Variants in PCDHA1 observed in about 807,000 individuals in gnomAD.
PCDHA1 encodes the protein protocadherin alpha 1.
PCDHA1 carries 42 observed loss-of-function variants against 61.3 expected under a neutral mutation model. The observed-to-expected ratio is 0.69, with a 90% CI of 0.54 to 0.89. PCDHA1 has a LOEUF of 0.89. PCDHA1 is among the 40% of genes least tolerant of loss of function. The pLI, the probability that PCDHA1 is intolerant of heterozygous loss-of-function variation, is 0.00. For synonymous variants in PCDHA1, 610 were observed against 553.8 expected (o/e 1.10, Z -1.43); for missense variants, 1,256 against 1,235.3 (o/e 1.02, Z -0.25).
rs182070121 is a variant in PCDHA1, at chr5:140,953,927, G to A, written c.2395-25022G>A. On this transcript the variant is annotated intron_variant, in intron 1 of 3. Coordinates refer to ENST00000504120, the MANE Select transcript of PCDHA1 (RefSeq NM_018900.4). ...GCATCCATTAGGTATTCTTCCTGAT[G>A]CTCTCCCTCCCATTGCTCCCCCAAC... Among the ~76,000 whole-genome samples the A allele has an allele frequency of 2.1e-3, 313 of 152,142 alleles. 1 individual carries two copies. The highest frequency in any genetic ancestry group is 7.1e-3 in the African/African-American group (295 of 41,500).
intron 1 of PCDHA1, chr5:140,827,909 A>T: frequency 1.2e-6 from 1 of 822,554 alleles, no homozygotes; most frequent in Non-Finnish European, 1.9e-6. Context: ...GAGCCGCATG[A>T]TGTCGCTGTC....
chr5:140,825,805 C>T (rs2150141367), intron 1 of PCDHA1: 2 of 152,324 alleles, frequency 1.3e-5, no homozygotes, highest in East Asian at 3.9e-4. Flanking sequence ...AATTTTACTG[C>T]TTGTTGTTAC....
intron 1 of PCDHA1, chr5:140,863,615 T>C (rs1290782399): frequency 1.2e-5 from 4 of 339,092 alleles, no homozygotes; most frequent in South Asian, 4.8e-5. Context: ...ATGTCCCTCA[T>C]AGTGACATTG....
At position 140,828,141 on chromosome 5, in the gene PCDHA1, C is replaced by T. The variant is rs2150151318; in HGVS notation, c.2394+39457C>T. 8.7e-6 allele frequency: 14 copies of T among 1,613,956 alleles called. No individual in the cohort carries two copies. In the South Asian group the frequency reaches 1.4e-4, roughly 16 times the overall value. On this transcript the variant is annotated intron_variant, in intron 1 of 3. Coordinates refer to ENST00000504120, the MANE Select transcript of PCDHA1 (RefSeq NM_018900.4). ...TTGGGAAAGCAATGTCTGCTCCTCC[C>T]GCTTCTGCTCCTCGCAGCCTGGAAG...
intron 1 of PCDHA1, chr5:140,857,571 C>A (rs782707848): frequency 7.5e-6 from 12 of 1,596,630 alleles, no homozygotes; most frequent in Non-Finnish European, 9.4e-6. Flanking sequence ...AGCTACGTGT[C>A]GGTGCACGCG....
At chr5:140,938,278 G>A (rs1394435028) in intron 1 of PCDHA1, among the ~76,000 whole-genome samples, 1 of 152,090 alleles carries the variant, frequency 6.6e-6, no homozygotes, top group African/African-American at 2.4e-5. Context: ...TAGTTTTCTT[G>A]CTTTCTGTCA....
chr5:140,862,656 C>T, intron 1 of PCDHA1: 1 of 545,296 alleles, frequency 1.8e-6, no homozygotes, highest in Admixed American at 1.9e-5. Flanking sequence ...CCGCGCGGGA[C>T]CGGGACGCGC....
rs1446194845 is a variant in PCDHA1 at position 140,858,041 on chromosome 5, C to T, written c.2394+69357C>T. 8 of 1,596,732 alleles carry T rather than the reference C, an allele frequency of 5.0e-6. No homozygotes were observed. The African/African-American group carries it at 6.8e-5, about 14-fold the overall frequency. On this transcript the variant is annotated intron_variant, in intron 1 of 3. Transcript: ENST00000504120. ...GTCGCTGACGGCCACGGCCACTGTG[C>T]TTGTGTCGCTTGTGGAGGGCAGCCA...
At chr5:140,837,761 G>A (rs1274767174) in intron 1 of PCDHA1, among the ~76,000 whole-genome samples, 1 of 151,628 alleles carries the variant, frequency 6.6e-6, no homozygotes, top group Non-Finnish European at 1.5e-5. Context: ...ACTGCAACCT[G>A]AAAGTCCTGG....
At chr5:140,858,256 G>T in intron 1 of PCDHA1, 1 of 1,596,658 alleles carries the variant, frequency 6.3e-7, no homozygotes. Flanking sequence ...TGAAGCCCAC[G>T]CTGGTGTGCT....
chr5:140,984,644 C>T (rs969349039), intron 3 of PCDHA1, among the ~76,000 whole-genome samples: 20 of 152,136 alleles, frequency 1.3e-4, no homozygotes, highest in African/African-American at 4.3e-4. Context: ...CTGCCTTCTC[C>T]CTGTCCTTCT....
intron 1 of PCDHA1, chr5:140,836,321 C>T (rs781844463): frequency 6.2e-7 from 1 of 1,613,768 alleles, no homozygotes; most frequent in Non-Finnish European, 8.5e-7. Context: ...CGCGCCACCG[C>T]CTTCTGGTGC....
intron 1 of PCDHA1, chr5:140,807,157 T>C: frequency 1.3e-6 from 2 of 1,590,406 alleles, no homozygotes; most frequent in Non-Finnish European, 1.7e-6. Flanking sequence ...AGAAACGATA[T>C]TTAATCAGAA....
intron 1 of PCDHA1, among the ~76,000 whole-genome samples, chr5:140,872,376 C>T (rs1270470575): frequency 1.3e-5 from 2 of 152,128 alleles, no homozygotes; most frequent in Non-Finnish European, 2.9e-5. Flanking sequence ...CCTGTAATCC[C>T]AGCTATTTGG....
At chr5:140,986,694 C>T (rs556228464) in intron 3 of PCDHA1, among the ~76,000 whole-genome samples, 1 of 152,266 alleles carries the variant, frequency 6.6e-6, no homozygotes, top group South Asian at 2.1e-4. Context: ...TTTCAAAACA[C>T]ACAGCACTGC....
chr5:140,976,584 A>G (rs2096724055), intron 1 of PCDHA1, among the ~76,000 whole-genome samples: 1 of 152,070 alleles, frequency 6.6e-6, no homozygotes. Context: ...TAAAACACAG[A>G]CTTTTGTGTT....
intron 1 of PCDHA1, chr5:140,929,159 A>C (rs781818133): frequency 1.2e-6 from 2 of 1,613,968 alleles, no homozygotes; most frequent in African/African-American, 1.3e-5. Context: ...ACTTATCTCT[A>C]TCGGGCCTCT....
chr5:140,928,513 A>G lies in PCDHA1; in HGVS notation c.2395-50436A>G, dbSNP rs781867292. On this transcript the variant is annotated intron_variant, in intron 1 of 3. Transcript: ENST00000504120. ...TCCTCCCAGAAGTGCAACAGTGACTATAAACTTGTTTGTGGTAGATAGGAA... is the reference window on the plus strand; with the variant it reads ...TCCTCCCAGAAGTGCAACAGTGACTGTAAACTTGTTTGTGGTAGATAGGAA... 1.4e-5 allele frequency: 23 copies of G among 1,614,064 alleles called. No individual in the cohort carries two copies. In the African/African-American group the frequency reaches 2.8e-4, roughly 20 times the overall value.
At chr5:140,917,337 G>T (rs1563019639) in intron 1 of PCDHA1, among the ~76,000 whole-genome samples, 1 of 142,560 alleles carries the variant, frequency 7.0e-6, no homozygotes, top group Non-Finnish European at 1.6e-5. Context: ...GGGAGGGGGG[G>T]GATGGTGTAG....
Sources: allele counts gnomAD v4.1 joint callset (sites outside exome capture counted in the v4.1 genomes callset), GRCh38; gene constraint gnomAD v4.1.1; transcripts MANE v1.5; gene names NCBI Gene and HGNC (gene_info 2026-07-23, HGNC 2026-07-21).